TMCO4: variants seen among roughly 807,000 people sequenced by gnomAD.
TMCO4 encodes the protein transmembrane and coiled-coil domain-containing protein 4.
TMCO4 carries 58 observed loss-of-function variants against 64.7 expected under a neutral mutation model. The observed-to-expected ratio is 0.90, with a 90% CI of 0.73 to 1.12. The LOEUF (loss-of-function observed/expected upper bound fraction) is 1.12, where lower values mean the gene tolerates loss of function less well. TMCO4 is among the 50% of genes most tolerant of loss of function. The pLI, the probability that TMCO4 is intolerant of heterozygous loss-of-function variation, is 0.00. For missense variants in TMCO4, 780 were observed against 825.9 expected, an observed-to-expected ratio of 0.94 and a Z score of 0.68; for synonymous variants, 325 against 346.1, an observed-to-expected ratio of 0.94 and a Z score of 0.68.
chr1:19,703,456 GCCTTCCTTCCTTCCCT>G (rs1179329253), intron 13 of TMCO4, among the ~76,000 whole-genome samples: 9 of 144,094 alleles, frequency 6.2e-5, no homozygotes, highest in African/African-American at 1.0e-4. Context: ...TCCCTTCCCT[GCCTTCCTTCCTTCCCT>G]CCTTCCTTCC....
At chr1:19,723,112 C>T (rs1034321210) in intron 13 of TMCO4, among the ~76,000 whole-genome samples, 17 of 152,194 alleles carry the variant, frequency 1.1e-4, no homozygotes, top group Non-Finnish European at 2.4e-4. Context: ...TGGCCCTTAT[C>T]TGAAATGCGT....
intron 4 of TMCO4, among the ~76,000 whole-genome samples, chr1:19,775,361 G>A (rs1016365074): frequency 2.0e-5 from 3 of 152,174 alleles, no homozygotes; most frequent in African/African-American, 7.2e-5. Context: ...ACAGGCATGA[G>A]GCACCGCGCC....
chr1:19,726,368 C>T (rs1392538895), intron 13 of TMCO4, among the ~76,000 whole-genome samples: 3 of 151,986 alleles, frequency 2.0e-5, no homozygotes, highest in East Asian at 1.9e-4. Flanking sequence ...CAAATCCCTT[C>T]GGCTCTCTGA....
chr1:19,777,026 CAAA>C (rs59722797), intron 4 of TMCO4, among the ~76,000 whole-genome samples: 620 of 82,774 alleles, frequency 7.5e-3, no homozygotes, highest in African/African-American at 0.013. Flanking sequence ...GACACTGTCT[CAAA>C]AAAAAAAAAA....
intron 6 of TMCO4, among the ~76,000 whole-genome samples, chr1:19,763,362 G>A (rs1261441549): frequency 6.6e-6 from 1 of 152,210 alleles, no homozygotes; most frequent in East Asian, 1.9e-4. Flanking sequence ...ACAGGCGTGA[G>A]CCACCACGCC....
At chr1:19,730,138 T>C (rs4486471) in intron 13 of TMCO4, among the ~76,000 whole-genome samples, 65,282 of 152,168 alleles carry the variant, frequency 0.43, 14,402 homozygotes, top group East Asian at 0.73. Flanking sequence ...CCCTCCTTCA[T>C]GTGAGGAATG....
At chr1:19,784,620 T>A (rs1424537750) in intron 3 of TMCO4, among the ~76,000 whole-genome samples, 1 of 152,110 alleles carries the variant, frequency 6.6e-6, no homozygotes, top group Non-Finnish European at 1.5e-5. Context: ...TACAATGCAT[T>A]CTCTACATAG....
chr1:19,765,727 C>T (rs1570951926), intron 6 of TMCO4, among the ~76,000 whole-genome samples: 1 of 151,972 alleles, frequency 6.6e-6, no homozygotes, highest in South Asian at 2.1e-4. Flanking sequence ...TTAGCATGCA[C>T]AAAAAATTCC....
At chr1:19,707,579 C>T (rs887816674) in intron 13 of TMCO4, among the ~76,000 whole-genome samples, 17 of 152,208 alleles carry the variant, frequency 1.1e-4, no homozygotes, top group African/African-American at 3.4e-4. Flanking sequence ...GCAGAGATCG[C>T]ACCACTGTAC....
rs915834343 is a variant in TMCO4 at position 19,690,564 on chromosome 1, G to T, written c.1500+3870C>A. 6.6e-5 allele frequency among the ~76,000 whole-genome samples: 10 copies of T among 152,354 alleles called. 4 individuals are homozygous for T. Among genetic ancestry groups the T allele is most frequent in the Admixed American group, 6.5e-5 (1 of 15,306 alleles). The stretch of plus-strand genomic sequence containing the variant: ...CTTGCTCATTCATGTGCTTCCTCCT[G>T]CAAGGGGCTGAGTGTGGTGGACCGA... On this transcript the variant is annotated intron_variant, in intron 15 of 15. Coordinates refer to ENST00000294543, the MANE Select transcript of TMCO4 (RefSeq NM_181719.7).
intron 13 of TMCO4, 176 bp from the exon 14 acceptor site, chr1:19,701,061 G>C: frequency 1.7e-6 from 1 of 580,150 alleles, no homozygotes; most frequent in Non-Finnish European, 3.0e-6. Context: ...AACATGCATG[G>C]ATAGGCATGG....
intron 13 of TMCO4, among the ~76,000 whole-genome samples, chr1:19,723,195 C>T (rs757817384): frequency 2.6e-5 from 4 of 152,164 alleles, no homozygotes; most frequent in Non-Finnish European, 5.9e-5. Flanking sequence ...ATCCCAAATC[C>T]GAAAATCTGA....
intron 15 of TMCO4, among the ~76,000 whole-genome samples, chr1:19,684,108 A>T (rs2100503331): frequency 8.0e-6 from 1 of 124,300 alleles, no homozygotes; most frequent in South Asian, 2.6e-4. Flanking sequence ...GCTTTTTGTT[A>T]AAATAGCATG....
At chr1:19,771,204 C>T in intron 5 of TMCO4, 104 bp downstream of exon 5, 1 of 1,253,630 alleles carries the variant, frequency 8.0e-7, no homozygotes, top group South Asian at 1.5e-5. Flanking sequence ...CATATTTTAT[C>T]TTCCAACTGC....
Position 19,683,824 on chromosome 1 carries a change from G to T in TMCO4, c.1501-380C>A, listed in dbSNP as rs1182599791. Among the ~76,000 whole-genome samples the T allele has an allele frequency of 2.3e-5, 3 of 129,992 alleles. No individual in the cohort carries two copies. The Admixed American group carries it at 2.7e-4, about 12-fold the overall frequency. 85.3% of individuals were successfully genotyped at this position (129,992 alleles called of 152,430 possible). A position where few individuals can be genotyped will look rare whatever the true frequency, so the allele number is the denominator to read the frequency against. ...CTTGCCCAGGCTGGAGTGCCGTGGC[G>T]CAATCTTGGCTCACTGCAACCTCCA... On this transcript the variant is annotated intron_variant, in intron 15 of 15. Transcript: ENST00000294543.
At chr1:19,752,589 T>C (rs1037158852) in intron 7 of TMCO4, among the ~76,000 whole-genome samples, 1 of 152,164 alleles carries the variant, frequency 6.6e-6, no homozygotes, top group African/African-American at 2.4e-5. Flanking sequence ...TAGAGAGAGC[T>C]TATCACTGAG....
intron 3 of TMCO4, among the ~76,000 whole-genome samples, 162 bp downstream of exon 3, chr1:19,786,864 C>T (rs1016266622): frequency 1.3e-5 from 2 of 152,148 alleles, no homozygotes. Flanking sequence ...CTAATAAACA[C>T]GTATTAGCCC....
chr1:19,709,791 TTTC>T (rs1195731607), intron 13 of TMCO4, among the ~76,000 whole-genome samples: 2 of 151,548 alleles, frequency 1.3e-5, no homozygotes, highest in Admixed American at 1.3e-4. Flanking sequence ...TTTTCTTTTC[TTTC>T]TTTTTTTTTT....
At chr1:19,694,360 C>G in intron 15 of TMCO4, 74 bp downstream of exon 15, 1 of 1,363,874 alleles carries the variant, frequency 7.3e-7, no homozygotes, top group South Asian at 1.3e-5. Flanking sequence ...GCCACTGTCT[C>G]CAGGGGACAG....
Sources: gnomAD v4.1 joint callset for allele counts (sites outside exome capture counted in the v4.1 genomes callset) on GRCh38, gnomAD v4.1.1 for gene constraint, MANE v1.5 for transcripts, NCBI Gene and HGNC (gene_info 2026-07-23, HGNC 2026-07-21) for gene names.